DCAF8L2: variants seen among roughly 807,000 people sequenced by gnomAD.
DCAF8L2 encodes DDB1 and CUL4 associated factor 8 like 2, also known as DDB1- and CUL4-associated factor 8-like protein 2.
For synonymous variants in DCAF8L2, 200 were observed against 190.9 expected (o/e 1.05, Z -0.39); for missense variants, 430 against 490.7 (o/e 0.88, Z 1.17).
At chrX:27,667,536 T>A (rs2147220614) in intron 2 of DCAF8L2, among the ~76,000 whole-genome samples, 1 of 111,523 alleles carries the variant, frequency 9.0e-6, no homozygotes, top group South Asian at 3.8e-4. Flanking sequence ...CTAGATAGCT[T>A]ATATGTAACT....
At chrX:27,525,000 T>G in the DCAF8L2 span, among the ~76,000 whole-genome samples, 66 of 112,230 alleles carry the variant, frequency 5.9e-4, no homozygotes, top group Non-Finnish European at 1.1e-3. Context: ...GAAGAATGTA[T>G]ATTCTGTTGG....
chrX:27,720,717 T>A (rs1462506670), intron 4 of DCAF8L2, among the ~76,000 whole-genome samples: 1 of 111,702 alleles, frequency 9.0e-6, no homozygotes, highest in African/African-American at 3.2e-5. Context: ...ACCTATCAAT[T>A]TGACTAAGAC....
At chrX:27,731,542 CAGAA>C (rs1921209091) in intron 4 of DCAF8L2, among the ~76,000 whole-genome samples, 2 of 111,459 alleles carry the variant, frequency 1.8e-5, no homozygotes, top group African/African-American at 6.5e-5. Context: ...CCTCATATGG[CAGAA>C]AGAGAGAAAT....
At chrX:27,607,657 A>G (rs1248602979) in intron 1 of DCAF8L2, among the ~76,000 whole-genome samples, 1 of 112,035 alleles carries the variant, frequency 8.9e-6, no homozygotes, top group African/African-American at 3.2e-5. Flanking sequence ...ATGGTTTTTA[A>G]CTCAGTGGAC....
chrX:27,571,478 G>T, the DCAF8L2 span, among the ~76,000 whole-genome samples: 1 of 111,759 alleles, frequency 8.9e-6, no homozygotes, highest in South Asian at 3.7e-4. Context: ...AATAATTCTG[G>T]CATTGCGAAT....
intron 2 of DCAF8L2, among the ~76,000 whole-genome samples, chrX:27,661,836 G>A (rs1176599249): frequency 9.0e-6 from 1 of 111,485 alleles, no homozygotes; most frequent in African/African-American, 3.3e-5. Flanking sequence ...CACTCATGCT[G>A]TGGCAAGAGA....
the DCAF8L2 span, among the ~76,000 whole-genome samples, chrX:27,539,146 G>A: frequency 4.5e-5 from 5 of 111,990 alleles, no homozygotes; most frequent in South Asian, 1.1e-3. Context: ...ACCATGCCCC[G>A]CCAGCAGTGA....
intron 2 of DCAF8L2, among the ~76,000 whole-genome samples, chrX:27,673,022 G>C (rs2147229628): frequency 9.0e-6 from 1 of 110,707 alleles, no homozygotes; most frequent in Admixed American, 9.7e-5. Flanking sequence ...AAGAAGTTTT[G>C]GGTAACTTTA....
chrX:27,593,187 CTT>C (rs1279721944), intron 1 of DCAF8L2, among the ~76,000 whole-genome samples: 4 of 111,665 alleles, frequency 3.6e-5, no homozygotes. Flanking sequence ...CTCCAGAACT[CTT>C]TTCATCTTTC....
chrX:27,569,845 G>C, the DCAF8L2 span, among the ~76,000 whole-genome samples: 3 of 111,043 alleles, frequency 2.7e-5, no homozygotes, highest in East Asian at 8.5e-4. Context: ...AAGTTATTTC[G>C]ACTCTCAGGG....
intron 1 of DCAF8L2, among the ~76,000 whole-genome samples, chrX:27,629,149 T>G (rs1263894043): frequency 1.8e-5 from 2 of 111,788 alleles, no homozygotes; most frequent in Non-Finnish European, 3.8e-5. Context: ...GTTGACAAAT[T>G]TTTTCCCATT....
chrX:27,536,071 A>G, the DCAF8L2 span, among the ~76,000 whole-genome samples: 1 of 111,876 alleles, frequency 8.9e-6, no homozygotes, highest in Non-Finnish European at 1.9e-5. Context: ...CATTGGTTTT[A>G]TGCTATAAAA....
intron 2 of DCAF8L2, among the ~76,000 whole-genome samples, chrX:27,673,289 C>T (rs1297861138): frequency 2.7e-5 from 3 of 109,611 alleles, no homozygotes; most frequent in African/African-American, 1.0e-4. Flanking sequence ...AGGCAGATCA[C>T]TTGAGGTCAG....
At chrX:27,596,027 C>CA (rs1926343365) in intron 1 of DCAF8L2, among the ~76,000 whole-genome samples, 1 of 110,530 alleles carries the variant, frequency 9.0e-6, no homozygotes, top group Non-Finnish European at 1.9e-5. Context: ...ACTCCATCTC[C>CA]AAAAAAACAA....
At position 27,736,529 on chromosome X, in the gene DCAF8L2, T is replaced by C. The variant is rs1427885823; in HGVS notation, c.-58-10309T>C. ...CACATACAAAGTATTACCGGCATTT[T>C]ATAAAAGTTTGTAAAAATACTTACT... On this transcript the variant is annotated intron_variant, in intron 4 of 4. Transcript: ENST00000451261. Among the ~76,000 whole-genome samples, 8 of 112,269 alleles carry C rather than the reference T, an allele frequency of 7.1e-5. 1 individual carries two copies. The highest frequency in any genetic ancestry group is 1.1e-4 in the Non-Finnish European group (6 of 53,299).
the DCAF8L2 span, among the ~76,000 whole-genome samples, chrX:27,502,335 A>AAAAAAAAAAAAAT: frequency 1.6e-4 from 2 of 12,714 alleles, no homozygotes; most frequent in Non-Finnish European, 3.0e-4. Flanking sequence ...AAAAAAAAAA[A>AAAAAAAAAAAAAT]ATATATATAT....
intron 2 of DCAF8L2, among the ~76,000 whole-genome samples, chrX:27,641,473 C>CTT (rs779757306): frequency 2.0e-4 from 9 of 45,457 alleles, no homozygotes; most frequent in African/African-American, 4.9e-4. Context: ...CTTTACTTTT[C>CTT]TTTTTTTTTT....
chrX:27,480,074 A>G, the DCAF8L2 span, among the ~76,000 whole-genome samples: 3 of 112,699 alleles, frequency 2.7e-5, no homozygotes, highest in Admixed American at 1.9e-4. Context: ...ACACCACCAC[A>G]TTAACTGTGT....
chrX:27,608,891 G>C (rs1020553417), intron 1 of DCAF8L2, among the ~76,000 whole-genome samples: 1 of 110,538 alleles, frequency 9.0e-6, no homozygotes, highest in African/African-American at 3.3e-5. Flanking sequence ...ATAGTACATA[G>C]AATGACATTG....
Sources: gnomAD v4.1 joint callset for allele counts (sites outside exome capture counted in the v4.1 genomes callset) on GRCh38, gnomAD v4.1.1 for gene constraint, MANE v1.5 for transcripts, NCBI Gene and HGNC (gene_info 2026-07-23, HGNC 2026-07-21) for gene names.